KLC1: variants seen among roughly 807,000 people sequenced by gnomAD.
KLC1 encodes the protein kinesin 2 60/70kDa.
KLC1 carries 30 observed loss-of-function variants against 84.2 expected under a neutral mutation model. The observed-to-expected ratio is 0.36, with a 90% confidence interval of 0.27 to 0.48. KLC1 has a LOEUF of 0.48. Among genes scored for constraint, KLC1 ranks in the 20% least tolerant of loss-of-function variants. The pLI is 0.99. For missense variants in KLC1, 499 were observed against 805.4 expected (o/e 0.62, Z 4.60); for synonymous variants, 289 against 293.3 (o/e 0.99, Z 0.15).
chr14:103,682,009 G>A (rs2081379955), intron 13 of KLC1, among the ~76,000 whole-genome samples: 1 of 152,146 alleles, frequency 6.6e-6, no homozygotes, highest in Non-Finnish European at 1.5e-5. Context: ...TTACTTGTGT[G>A]CATCAAGATT....
chr14:103,644,196 C>T (rs1383315212), intron 1 of KLC1, among the ~76,000 whole-genome samples: 1 of 112,098 alleles, frequency 8.9e-6, no homozygotes, highest in South Asian at 3.0e-4. Flanking sequence ...GCCTGGGCAA[C>T]AGAGCGAGAC....
intron 1 of KLC1, among the ~76,000 whole-genome samples, chr14:103,635,058 A>G (rs535699508): frequency 2.6e-5 from 4 of 152,340 alleles, no homozygotes; most frequent in Admixed American, 2.0e-4. Flanking sequence ...TTTTGGAGGC[A>G]GATGAAAGCA....
rs564780654 is a variant in KLC1, at chr14:103,675,221, A to G, written c.1262-331A>G. On this transcript the variant is annotated intron_variant, in intron 9 of 16. Transcript: ENST00000334553. ...GTGCCTATAATCCCAGCTACTTGAGAGGCTGAGGCAGGAGAGTCACTTGAA... is the reference window on the plus strand; with the variant it reads ...GTGCCTATAATCCCAGCTACTTGAGGGGCTGAGGCAGGAGAGTCACTTGAA... 1.5e-4 allele frequency among the ~76,000 whole-genome samples: 23 copies of G among 152,232 alleles called. No homozygotes were observed. The East Asian group carries it at 4.3e-3, about 28-fold the overall frequency.
At chr14:103,670,028 G>A (rs1360647207) in intron 6 of KLC1, among the ~76,000 whole-genome samples, 154 bp from the exon 7 acceptor site, 2 of 152,110 alleles carry the variant, frequency 1.3e-5, no homozygotes, top group African/African-American at 2.4e-5. Flanking sequence ...ATACTCTAGT[G>A]AATTGCGCTT....
chr14:103,666,739 C>T (rs572491420), intron 5 of KLC1, among the ~76,000 whole-genome samples: 8 of 150,568 alleles, frequency 5.3e-5, no homozygotes, highest in African/African-American at 1.7e-4. Context: ...GCTGGGATTA[C>T]AGGCGTGAGC....
At chr14:103,685,613 T>G in intron 13 of KLC1, 2 of 1,289,236 alleles carry the variant, frequency 1.6e-6, no homozygotes, top group African/African-American at 3.0e-5. Flanking sequence ...TCACGTGGGT[T>G]TTCTCTCTCC....
Position 103,694,514 on chromosome 14 carries a change from C to T in KLC1, c.1848+2089C>T, listed in dbSNP as rs530355610. The T allele has an allele frequency of 1.7e-5, 17 of 985,450 alleles. No individual in the cohort carries two copies. The East Asian group carries it at 1.2e-3, about 72-fold the overall frequency. The allele number at this position is 985,450 out of a possible 1,614,324, so 61.0% of individuals were successfully genotyped here. A position where few individuals can be genotyped will look rare whatever the true frequency, so the allele number is the denominator to read the frequency against. On this transcript the variant is annotated intron_variant, in intron 15 of 16. Coordinates refer to ENST00000334553, the MANE Select transcript of KLC1 (RefSeq NM_001394837.1). This position sits in a 1 kb window ranked among gnomAD's most constrained non-coding sequence, Gnocchi z 4.5. ...GGAGCACGGTGGACTCTGACAGGAACCTTTTCAAATCAATGCTGAGGCTGT... is the reference window on the plus strand; with the variant it reads ...GGAGCACGGTGGACTCTGACAGGAATCTTTTCAAATCAATGCTGAGGCTGT...
chr14:103,665,879 G>A (rs977234896), intron 5 of KLC1, among the ~76,000 whole-genome samples: 1 of 152,180 alleles, frequency 6.6e-6, no homozygotes, highest in African/African-American at 2.4e-5. Flanking sequence ...CCCTGGAGGT[G>A]GGGGGCTCTA....
At chr14:103,669,619 C>T (rs2080207158) in intron 6 of KLC1, 21 bp downstream of exon 6, 1 of 1,454,602 alleles carries the variant, frequency 6.9e-7, no homozygotes, top group Non-Finnish European at 9.6e-7. Flanking sequence ...CCAGTTCTTT[C>T]ATTCTTTTAA....
At chr14:103,660,511 C>T (rs1486828478) in intron 3 of KLC1, among the ~76,000 whole-genome samples, 3 of 148,064 alleles carry the variant, frequency 2.0e-5, no homozygotes, top group Non-Finnish European at 3.0e-5. Flanking sequence ...AAATTAAGGC[C>T]GATGCGGTGG....
At chr14:103,684,741 AT>A in intron 13 of KLC1, 1 of 500,502 alleles carries the variant, frequency 2.0e-6, no homozygotes, top group Admixed American at 3.2e-5. Context: ...TGTGTGTCAC[AT>A]GAAATACTTT....
intron 1 of KLC1, among the ~76,000 whole-genome samples, chr14:103,652,215 G>A (rs1373343299): frequency 1.3e-5 from 2 of 152,102 alleles, no homozygotes; most frequent in Non-Finnish European, 2.9e-5. Context: ...GAACCTCAAA[G>A]ATGTTCAGAT....
At chr14:103,701,092 C>T (rs1369336750) in intron 16 of KLC1, 109 bp from the exon 17 acceptor site, 2 of 1,374,616 alleles carry the variant, frequency 1.5e-6, no homozygotes, top group Admixed American at 2.0e-5. Flanking sequence ...ACCCTCTTCT[C>T]TAGGCAGACT....
Position 103,694,761 on chromosome 14 carries a change from A to G in KLC1, c.1848+2336A>G, listed in dbSNP as rs1338775221. On this transcript the variant is annotated intron_variant, in intron 15 of 16. Coordinates refer to ENST00000334553, the MANE Select transcript of KLC1 (RefSeq NM_001394837.1). The surrounding 1 kb of genome is among the most constrained non-coding windows in gnomAD (Gnocchi z 4.5). ...GGGTGGTGGCACAGCAGAGGCTCACACTTGTCACCTTCAGCCTCTAGAAGC... is the reference window on the plus strand; with the variant it reads ...GGGTGGTGGCACAGCAGAGGCTCACGCTTGTCACCTTCAGCCTCTAGAAGC... The G allele has an allele frequency of 1.0e-6, 1 of 985,384 alleles. No homozygotes were observed. The highest frequency in any genetic ancestry group is 1.2e-6 in the Non-Finnish European group (1 of 829,956). The allele number at this position is 985,384 out of a possible 1,614,324, so 61.0% of individuals were successfully genotyped here. A position where few individuals can be genotyped will look rare whatever the true frequency, so the allele number is the denominator to read the frequency against.
intron 13 of KLC1, 81 bp downstream of exon 13, chr14:103,679,626 G>A (rs1223392817): frequency 2.0e-6 from 2 of 1,005,996 alleles, no homozygotes; most frequent in Non-Finnish European, 1.5e-6. Flanking sequence ...TGTCTCATGT[G>A]CTAGACCTTC....
intron 4 of KLC1, 101 bp from the exon 5 acceptor site, chr14:103,662,598 AAGT>A (rs1164720715): frequency 9.1e-6 from 8 of 879,148 alleles, no homozygotes; most frequent in Non-Finnish European, 1.4e-5. Context: ...ACTGGGGGCC[AAGT>A]ACTAACTTGA....
Position 103,694,233 on chromosome 14 carries a change from T to C in KLC1, c.1848+1808T>C, listed in dbSNP as rs999012275. The C allele has an allele frequency of 5.4e-5, 53 of 983,250 alleles. No individual in the cohort carries two copies. The highest frequency in any genetic ancestry group is 6.3e-5 in the Non-Finnish European group (52 of 829,552). The allele number at this position is 983,250 out of a possible 1,614,324, so 60.9% of individuals were successfully genotyped here. A position where few individuals can be genotyped will look rare whatever the true frequency, so the allele number is the denominator to read the frequency against. On this transcript the variant is annotated intron_variant, in intron 15 of 16. Transcript: ENST00000334553. This position sits in a 1 kb window ranked among gnomAD's most constrained non-coding sequence, Gnocchi z 4.5. ...CGGACGCCCCTGCACACGAAGCCCATAGAGACGTGTGTTTCACTTTTTTTT... is the reference window on the plus strand; with the variant it reads ...CGGACGCCCCTGCACACGAAGCCCACAGAGACGTGTGTTTCACTTTTTTTT...
chr14:103,652,337 T>C (rs961660431), intron 1 of KLC1, among the ~76,000 whole-genome samples: 1 of 152,182 alleles, frequency 6.6e-6, no homozygotes, highest in African/African-American at 2.4e-5. Context: ...GGATATATCA[T>C]GGAACAGTAT....
At chr14:103,665,713 C>G (rs901180512) in intron 5 of KLC1, among the ~76,000 whole-genome samples, 1 of 152,172 alleles carries the variant, frequency 6.6e-6, no homozygotes, top group Non-Finnish European at 1.5e-5. Flanking sequence ...GCTAGGATTA[C>G]AGGTGTGAGC....
Sources: allele counts gnomAD v4.1 joint callset (sites outside exome capture counted in the v4.1 genomes callset), GRCh38; gene constraint gnomAD v4.1.1; non-coding constraint Gnocchi (gnomAD v3.1); transcripts MANE v1.5; gene names NCBI Gene and HGNC (gene_info 2026-07-23, HGNC 2026-07-21).